Variants in PCSK2 observed in about 807,000 individuals in gnomAD.
PCSK2 encodes proprotein convertase subtilisin/kexin type 2.
PCSK2 carries 14 observed loss-of-function variants against 69.7 expected under a neutral mutation model. The observed-to-expected ratio is 0.20, with a 90% confidence interval of 0.13 to 0.31. The LOEUF is 0.31. Among genes scored for constraint, PCSK2 ranks in the 10% least tolerant of loss-of-function variants. The pLI is 1.00. For synonymous variants in PCSK2, 307 were observed against 320.7 expected (o/e 0.96, Z 0.46); for missense variants, 544 against 842.5 (o/e 0.65, Z 4.39).
intron 2 of PCSK2, among the ~76,000 whole-genome samples, chr20:17,303,487 T>TG (rs1989195070): frequency 1.8e-5 from 1 of 55,734 alleles, no homozygotes; most frequent in South Asian, 3.8e-4. Context: ...ATAATATATA[T>TG]TATATTTAAT....
chr20:17,237,026 A>C (rs541268380), intron 1 of PCSK2, among the ~76,000 whole-genome samples: 7 of 152,170 alleles, frequency 4.6e-5, no homozygotes, highest in Admixed American at 1.3e-4. Context: ...AGTGGGAAAG[A>C]ATGGATTTAT....
intron 2 of PCSK2, among the ~76,000 whole-genome samples, chr20:17,274,346 A>G (rs1159640251): frequency 6.6e-6 from 1 of 152,140 alleles, no homozygotes; most frequent in Non-Finnish European, 1.5e-5. Flanking sequence ...ACCTTCTGCA[A>G]TAGGGCCTGG....
rs62202668 is a variant in PCSK2 at position 17,471,977 on chromosome 20, C to T, written c.1430+6424C>T. Among the ~76,000 whole-genome samples the T allele has an allele frequency of 9.8e-3, 1,492 of 152,302 alleles. 21 individuals carry two copies. Among genetic ancestry groups the T allele is most frequent in the African/African-American group, 0.032 (1,321 of 41,566 alleles). Reference sequence around the variant, plus strand: ...TGGGTTTCCTTGGCATTAATCTTCCCGGAGATGGAGTCAATTTGAAAAGCA... The same window carrying T: ...TGGGTTTCCTTGGCATTAATCTTCCTGGAGATGGAGTCAATTTGAAAAGCA... On this transcript the variant is annotated intron_variant, in intron 11 of 11. Coordinates refer to ENST00000262545, the MANE Select transcript of PCSK2 (RefSeq NM_002594.5).
intron 8 of PCSK2, among the ~76,000 whole-genome samples, chr20:17,449,545 T>TATATATATATA (rs1394693452): frequency 1.3e-5 from 2 of 149,804 alleles, no homozygotes; most frequent in Non-Finnish European, 1.5e-5. Flanking sequence ...TATATGTATA[T>TATATATATATA]TTGAGACTGA....
chr20:17,243,516 AG>A (rs1474444793), intron 1 of PCSK2, among the ~76,000 whole-genome samples: 1 of 152,238 alleles, frequency 6.6e-6, no homozygotes, highest in Non-Finnish European at 1.5e-5. Flanking sequence ...TTATAGCAAT[AG>A]GAGTCCACCG....
intron 1 of PCSK2, among the ~76,000 whole-genome samples, chr20:17,245,786 T>C (rs1986749568): frequency 6.6e-6 from 1 of 152,200 alleles, no homozygotes; most frequent in Non-Finnish European, 1.5e-5. Context: ...TGTGCATCAC[T>C]CATTGGATCA....
intron 2 of PCSK2, among the ~76,000 whole-genome samples, chr20:17,315,312 G>GA (rs200172322): frequency 0.23 from 33,793 of 146,360 alleles, 4,205 homozygotes; most frequent in South Asian, 0.38. Context: ...TAAAGAGGAG[G>GA]AAAAAAAAAA....
intron 7 of PCSK2, among the ~76,000 whole-genome samples, chr20:17,436,052 C>T (rs899376375): frequency 6.6e-6 from 1 of 152,200 alleles, no homozygotes; most frequent in Non-Finnish European, 1.5e-5. Context: ...CACGAGGCAT[C>T]AGAGAGGAAC....
At chr20:17,333,794 T>A (rs947870408) in intron 2 of PCSK2, among the ~76,000 whole-genome samples, 2 of 151,502 alleles carry the variant, frequency 1.3e-5, no homozygotes, top group East Asian at 3.9e-4. Flanking sequence ...GGGATGATAA[T>A]AGTAACAAGG....
chr20:17,289,978 C>G (rs1568586860), intron 2 of PCSK2, among the ~76,000 whole-genome samples: 1 of 152,184 alleles, frequency 6.6e-6, no homozygotes, highest in Non-Finnish European at 1.5e-5. Flanking sequence ...AGAATTGGTG[C>G]ATTCATCAGT....
At chr20:17,465,071 G>GGT in intron 10 of PCSK2, 2 of 500,578 alleles carry the variant, frequency 4.0e-6, no homozygotes, top group South Asian at 2.5e-5. Context: ...TAGCCATTCC[G>GGT]GTGTGTGTGT....
At position 17,357,425 on chromosome 20, in the gene PCSK2, A is replaced by G. The variant is rs187104013; in HGVS notation, c.283-902A>G. Among the ~76,000 whole-genome samples the G allele has an allele frequency of 7.7e-4, 117 of 152,312 alleles. No homozygotes were observed. The East Asian group carries it at 0.018, about 23-fold the overall frequency. On this transcript the variant is annotated intron_variant, in intron 2 of 11. Coordinates refer to ENST00000262545, the MANE Select transcript of PCSK2 (RefSeq NM_002594.5). ...TTGGGGAAGTTTTCTTTTTCAGCAG[A>G]TTCTCAAACGTGATAGCACTGTCAA...
intron 2 of PCSK2, among the ~76,000 whole-genome samples, chr20:17,304,311 A>G (rs1031813679): frequency 6.6e-6 from 1 of 152,166 alleles, no homozygotes; most frequent in African/African-American, 2.4e-5. Context: ...ATAGCCATTC[A>G]ATAAATACTT....
intron 2 of PCSK2, among the ~76,000 whole-genome samples, chr20:17,339,963 A>G (rs1990462972): frequency 6.6e-6 from 1 of 152,162 alleles, no homozygotes. Context: ...GCCTTTTATA[A>G]CATCCATGCA....
At chr20:17,272,556 G>T (rs560150742) in intron 2 of PCSK2, among the ~76,000 whole-genome samples, 2 of 152,056 alleles carry the variant, frequency 1.3e-5, no homozygotes, top group Non-Finnish European at 2.9e-5. Context: ...TTTGGATTCA[G>T]TCTCCTTTCC....
chr20:17,481,413 A>AAAAAAG (rs113487407), intron 11 of PCSK2, among the ~76,000 whole-genome samples, 171 bp from the exon 12 acceptor site: 6 of 115,818 alleles, frequency 5.2e-5, no homozygotes, highest in African/African-American at 1.2e-4. Context: ...AAAAAAAAAA[A>AAAAAAG]AGAGATAAGT....
chr20:17,373,781 A>G (rs1250868733), intron 5 of PCSK2, among the ~76,000 whole-genome samples: 1 of 152,258 alleles, frequency 6.6e-6, no homozygotes, highest in Non-Finnish European at 1.5e-5. Flanking sequence ...CATTAAACTA[A>G]GAATAAAATA....
chr20:17,274,000 C>G (rs568605471), intron 2 of PCSK2, among the ~76,000 whole-genome samples: 1 of 152,208 alleles, frequency 6.6e-6, no homozygotes, highest in South Asian at 2.1e-4. Context: ...TTAGCGAGAA[C>G]TAGGCAAAAT....
intron 2 of PCSK2, among the ~76,000 whole-genome samples, chr20:17,333,975 CACA>C (rs143852707): frequency 0.011 from 1,415 of 131,194 alleles, 30 homozygotes; most frequent in African/African-American, 0.037. Flanking sequence ...ATAGTATGTT[CACA>C]ACATGTTCAA....
Sources: gnomAD v4.1 joint callset for allele counts (sites outside exome capture counted in the v4.1 genomes callset) on GRCh38, gnomAD v4.1.1 for gene constraint, MANE v1.5 for transcripts, NCBI Gene and HGNC (gene_info 2026-07-23, HGNC 2026-07-21) for gene names.